Variants in POTEC observed in about 807,000 individuals in gnomAD.
POTEC encodes the protein ANKRD26-like family B member 2.
A neutral mutation model predicts 62.0 loss-of-function variants in POTEC; 35 were observed. That is an observed-to-expected ratio of 0.56 (90% CI 0.43 to 0.75). The LOEUF is 0.75. Among genes scored for constraint, POTEC ranks in the 30% least tolerant of loss-of-function variants. The probability of loss-of-function intolerance (pLI) is 0.00; values close to 1 mark genes in which losing one functional copy is unlikely to be tolerated. For missense variants in POTEC, 472 were observed against 655.9 expected (o/e 0.72, Z 3.06); for synonymous variants, 156 against 221.5 (o/e 0.70, Z 2.62).
Position 14,542,645 on chromosome 18 carries a change from T to G in POTEC, c.502A>C (p.Lys168Gln). ...AGTTACCTCTTTTGCTTGTCCCTCTTGTTCATGTCCGTGTCCCTGAGCATG... is the reference window on the plus strand; with the variant it reads ...AGTTACCTCTTTTGCTTGTCCCTCTGGTTCATGTCCGTGTCCCTGAGCATG... Reference protein sequence around the residue: ...IVMLRDTDMNKRDKQKRTALH... With the variant: ...IVMLRDTDMNQRDKQKRTALH... The change falls in exon 1 of 11, where the codon AAG becomes CAG. Residue 168 changes from lysine (K) to glutamine (Q), a missense_variant. Transcript: ENST00000358970. 2 of 1,612,606 alleles carry G rather than the reference T, an allele frequency of 1.2e-6. No homozygotes were observed. The highest frequency in any genetic ancestry group is 8.5e-7 in the Non-Finnish European group (1 of 1,179,952).
At position 14,533,750 on chromosome 18, in the gene POTEC, A is replaced by C. The variant is rs376226319; in HGVS notation, c.918-552T>G. Among the ~76,000 whole-genome samples, 3 of 152,278 alleles carry C rather than the reference A, an allele frequency of 2.0e-5. No homozygotes were observed. In the East Asian group the frequency reaches 5.8e-4, roughly 29 times the overall value. Reference sequence around the variant, plus strand: ...CCAACTTTGAAGGATATATTCTCCTACTTTTCACATATGACAACATATTGG... The same window carrying C: ...CCAACTTTGAAGGATATATTCTCCTCCTTTTCACATATGACAACATATTGG... On this transcript the variant is annotated intron_variant, in intron 4 of 10. Coordinates refer to ENST00000358970, the MANE Select transcript of POTEC (RefSeq NM_001137671.2).
chr18:14,529,804 A>T (rs927611909), intron 6 of POTEC, among the ~76,000 whole-genome samples: 1 of 152,090 alleles, frequency 6.6e-6, no homozygotes, highest in African/African-American at 2.4e-5. Flanking sequence ...GGAGGAATGA[A>T]GTCAGTAAGA....
intron 1 of POTEC, among the ~76,000 whole-genome samples, chr18:14,539,349 T>C (rs1315468627): frequency 6.6e-6 from 1 of 151,732 alleles, no homozygotes; most frequent in African/African-American, 2.4e-5. Flanking sequence ...CCAAGGGGGT[T>C]GGTTGTACAG....
chr18:14,516,330 A>G (rs200558542), intron 9 of POTEC, among the ~76,000 whole-genome samples: 23 of 72,654 alleles, frequency 3.2e-4, no homozygotes, highest in Non-Finnish European at 4.2e-4. Context: ...ATATATATAT[A>G]TATATACCTA....
At chr18:14,513,630 T>C in intron 10 of POTEC, 32 bp downstream of exon 10, 4 of 1,608,204 alleles carry the variant, frequency 2.5e-6, no homozygotes, top group Non-Finnish European at 1.7e-6. Context: ...TATACACATA[T>C]GAAAACATTT....
intron 6 of POTEC, among the ~76,000 whole-genome samples, chr18:14,530,126 C>A (rs1394224172): frequency 6.6e-6 from 1 of 151,600 alleles, no homozygotes; most frequent in Non-Finnish European, 1.5e-5. Context: ...GGAGCATGAA[C>A]CCTGTTGTGA....
chr18:14,528,949 T>A, intron 6 of POTEC: 1 of 454,430 alleles, frequency 2.2e-6, no homozygotes, highest in Non-Finnish European at 4.4e-6. Flanking sequence ...TTGCTGCTCT[T>A]CCTGCCAAAC....
At chr18:14,518,366 G>C (rs1910219544) in intron 9 of POTEC, among the ~76,000 whole-genome samples, 3 of 150,530 alleles carry the variant, frequency 2.0e-5, no homozygotes, top group African/African-American at 7.3e-5. Context: ...GGGAAAGTTG[G>C]GATGGTCAGA....
At position 14,542,664 on chromosome 18, in the gene POTEC, G is replaced by C; in HGVS notation, c.483C>G (p.Leu161=). The C allele has an allele frequency of 1.2e-6, 2 of 1,612,824 alleles. No homozygotes were observed. The change falls in exon 1 of 11, where the codon CTC becomes CTG. Residue 161 remains leucine (L), a synonymous_variant. Transcript: ENST00000358970. Reference sequence around the variant, plus strand: ...CCCTCTTGTTCATGTCCGTGTCCCTGAGCATGACGATGAGATCCTTTCTGG... The same window carrying C: ...CCCTCTTGTTCATGTCCGTGTCCCTCAGCATGACGATGAGATCCTTTCTGG... ...KVPRKDLIVM[L]RDTDMNKRDK...
intron 3 of POTEC, among the ~76,000 whole-genome samples, chr18:14,536,961 G>C (rs1348750850): frequency 4.0e-5 from 6 of 151,424 alleles, no homozygotes; most frequent in African/African-American, 7.3e-5. Context: ...ATACTAAGTT[G>C]GTTAATTACT....
In POTEC at chr18:14,509,302, TC is replaced by T. The variant is rs922280136; in HGVS notation, c.*2595del. On this transcript the variant is annotated 3_prime_UTR_variant, in exon 11 of 11. Coordinates refer to ENST00000358970, the MANE Select transcript of POTEC (RefSeq NM_001137671.2). ...TGGCCAGTGAAGGTGCCTTCTCTGATCCCCCCCAAGCAACAGTGGTCACTCA... is the reference window on the plus strand; with the variant it reads ...TGGCCAGTGAAGGTGCCTTCTCTGATCCCCCCAAGCAACAGTGGTCACTCA... 2.0e-5 allele frequency: 3 copies of T among 151,888 alleles called. No individual in the cohort carries two copies. Among genetic ancestry groups the T allele is most frequent in the East Asian group, 1.9e-4 (1 of 5,138 alleles). The allele number at this position is 151,888 out of a possible 1,614,324, so 9.4% of individuals were successfully genotyped here.
chr18:14,521,738 A>C (rs1910313954), intron 9 of POTEC, among the ~76,000 whole-genome samples: 1 of 152,154 alleles, frequency 6.6e-6, no homozygotes, highest in South Asian at 2.1e-4. Flanking sequence ...ATCCTAAGCA[A>C]ACTAATGCAG....
intron 6 of POTEC, chr18:14,527,760 GCAAAA>G: frequency 6.6e-6 from 1 of 151,500 alleles, no homozygotes; most frequent in African/African-American, 2.4e-5. Context: ...AAAAAATTAA[GCAAAA>G]CAAATGAAAA....
chr18:14,520,014 C>T (rs151006782), intron 9 of POTEC, among the ~76,000 whole-genome samples: 283 of 152,066 alleles, frequency 1.9e-3, no homozygotes, highest in African/African-American at 6.6e-3. Context: ...TGAGGAAAAA[C>T]GTTGGAGGAC....
chr18:14,527,848 C>A (rs949403018), intron 6 of POTEC: 3 of 152,102 alleles, frequency 2.0e-5, no homozygotes, highest in African/African-American at 7.2e-5. Flanking sequence ...TTGCCATGGG[C>A]AGGTGAAAAC....
At chr18:14,538,889 A>C (rs2143167476) in intron 1 of POTEC, among the ~76,000 whole-genome samples, 1 of 152,302 alleles carries the variant, frequency 6.6e-6, no homozygotes, top group East Asian at 1.9e-4. Flanking sequence ...GCATTTAAAT[A>C]ATTTTCTTAG....
At chr18:14,528,630 C>T (rs2143142112) in intron 6 of POTEC, among the ~76,000 whole-genome samples, 1 of 152,052 alleles carries the variant, frequency 6.6e-6, no homozygotes, top group East Asian at 1.9e-4. Context: ...ACACTGCCAA[C>T]AGCACAGCTG....
At position 14,543,294 on chromosome 18, in the gene POTEC, G is replaced by A; in HGVS notation, c.-148C>T. The stretch of plus-strand genomic sequence containing the variant: ...AAAACTTGCCAACCCCAGCAAGGGA[G>A]CCCAGTCCACCCCACCCAGGGAAAA... On this transcript the variant is annotated 5_prime_UTR_variant, in exon 1 of 11. Transcript: ENST00000358970. 1 of 1,368,684 alleles carries A rather than the reference G, an allele frequency of 7.3e-7. No homozygotes were observed. The allele number at this position is 1,368,684 out of a possible 1,614,324, so 84.8% of individuals were successfully genotyped here.
Position 14,509,308 on chromosome 18 carries a change from C to G in POTEC, c.*2590G>C, listed in dbSNP as rs1289839318. ...GTGAAGGTGCCTTCTCTGATCCCCC[C>G]CAAGCAACAGTGGTCACTCAGGGTA... On this transcript the variant is annotated 3_prime_UTR_variant, in exon 11 of 11. Coordinates refer to ENST00000358970, the MANE Select transcript of POTEC (RefSeq NM_001137671.2). The G allele has an allele frequency of 6.6e-6, 1 of 152,142 alleles. No homozygotes were observed. The highest frequency in any genetic ancestry group is 6.5e-5 in the Admixed American group (1 of 15,272). 9.4% of individuals were successfully genotyped at this position (152,142 alleles called of 1,614,324 possible). A position where few individuals can be genotyped will look rare whatever the true frequency, so the allele number is the denominator to read the frequency against.
Sources: allele counts gnomAD v4.1 joint callset (sites outside exome capture counted in the v4.1 genomes callset), GRCh38; gene constraint gnomAD v4.1.1; transcripts MANE v1.5; gene names NCBI Gene and HGNC (gene_info 2026-07-23, HGNC 2026-07-21).